Variants in DDX43 observed in about 807,000 individuals in gnomAD.
The protein encoded by DDX43 is probable ATP-dependent RNA helicase DDX43.
DDX43 carries 50 observed loss-of-function variants against 84.9 expected under a neutral mutation model. The ratio of observed to expected loss-of-function variants is 0.59; its 90% confidence interval spans 0.47 to 0.75. The LOEUF (loss-of-function observed/expected upper bound fraction) is 0.75. Ranked by LOEUF, DDX43 falls within the 30% of genes least tolerant of loss-of-function variation. The pLI is 0.00. For missense variants in DDX43, 689 were observed against 798.6 expected (o/e 0.86, Z 1.65); for synonymous variants, 291 against 266.3 (o/e 1.09, Z -0.90).
chr6:73,395,252 T>C, intron 1 of DDX43, 97 bp downstream of exon 1: 1 of 1,404,666 alleles, frequency 7.1e-7, no homozygotes, highest in Non-Finnish European at 9.5e-7. Context: ...TCCAATCAGC[T>C]GCCACCTAGT....
chr6:73,412,972 G>GC (rs1769833067), intron 11 of DDX43, among the ~76,000 whole-genome samples: 1 of 152,122 alleles, frequency 6.6e-6, no homozygotes, highest in South Asian at 2.1e-4. Flanking sequence ...CAGGCGATCT[G>GC]CCCCCTTGGC....
At chr6:73,411,543 G>C (rs990580783) in intron 10 of DDX43, among the ~76,000 whole-genome samples, 1 of 151,738 alleles carries the variant, frequency 6.6e-6, no homozygotes, top group Non-Finnish European at 1.5e-5. Context: ...TGACCAGGCT[G>C]GTCTCAAACT....
Position 73,412,607 on chromosome 6 carries a change from T to G in DDX43, c.1368+315T>G, listed in dbSNP as rs1769808518. 2.7e-5 allele frequency among the ~76,000 whole-genome samples: 4 copies of G among 146,828 alleles called. No individual in the cohort carries two copies. The Admixed American group carries it at 2.7e-4, about 10-fold the overall frequency. Reference sequence around the variant, plus strand: ...GGTGATCTCGGCTCACTGCAACCTCTGCCTCCTGGGTTCAAGTGATATATA... The same window carrying G: ...GGTGATCTCGGCTCACTGCAACCTCGGCCTCCTGGGTTCAAGTGATATATA... On this transcript the variant is annotated intron_variant, in intron 11 of 16. Transcript: ENST00000370336.
Position 73,413,965 on chromosome 6 carries a change from T to C in DDX43, c.1497-5T>C, listed in dbSNP as rs1221200296. On this transcript the variant is annotated splice_polypyrimidine_tract_variant and splice_region_variant and intron_variant, in intron 12 of 16. Coordinates refer to ENST00000370336, the MANE Select transcript of DDX43 (RefSeq NM_018665.3). The stretch of plus-strand genomic sequence containing the variant: ...TAAGAATGCTGAGTTTATCTTTTGC[T>C]TCAGTGCGGATCACTTATCAAGTGA... 2.5e-6 allele frequency: 4 copies of C among 1,598,384 alleles called. No individual in the cohort carries two copies. In the East Asian group the frequency reaches 6.7e-5, roughly 27 times the overall value.
Position 73,412,269 on chromosome 6 carries a change from T to A in DDX43, c.1345T>A (p.Tyr449Asn). 1.2e-6 allele frequency: 2 copies of A among 1,613,514 alleles called. No homozygotes were observed. Among genetic ancestry groups the A allele is most frequent in the Non-Finnish European group, 1.7e-6 (2 of 1,179,662 alleles). Residue 449 changes from tyrosine (Y) to asparagine (N), a missense_variant, in exon 11 of 17, where the codon TAT becomes AAT. Tyr to Asn is a moderately radical substitution (Grantham distance 143). Transcript: ENST00000370336. ...TTATTTGAAAGAACCAATGATTGTC[T>A]ATGTTGGTACATTGGATCTAGTTGT... ...QSYLKEPMIV[Y>N]VGTLDLVAVS... is the part of the protein sequence containing the mutation.
At chr6:73,410,605 C>T (rs1409507862) in intron 10 of DDX43, among the ~76,000 whole-genome samples, 1 of 152,080 alleles carries the variant, frequency 6.6e-6, no homozygotes, top group Non-Finnish European at 1.5e-5. Context: ...TTTTGTTTTG[C>T]GTTTTGAGAC....
chr6:73,410,267 A>G (rs900213619), intron 10 of DDX43, among the ~76,000 whole-genome samples: 2 of 152,116 alleles, frequency 1.3e-5, no homozygotes, highest in Admixed American at 6.6e-5. Flanking sequence ...CCCGGGTTCA[A>G]GCAATTCTCC....
At chr6:73,412,318 T>TTA (rs915700477) in intron 11 of DDX43, 26 bp downstream of exon 11, 1 of 1,577,446 alleles carries the variant, frequency 6.3e-7, no homozygotes, top group African/African-American at 1.4e-5. Flanking sequence ...TTACTATTGT[T>TTA]TAACATTTCT....
chr6:73,412,681 G>GCGCT (rs1231490757), intron 11 of DDX43, among the ~76,000 whole-genome samples: 1 of 135,116 alleles, frequency 7.4e-6, no homozygotes, highest in African/African-American at 2.9e-5. Context: ...GCGCGCGCGT[G>GCGCT]TGTGTGTGTG....
At chr6:73,413,602 C>T (rs997932519) in intron 11 of DDX43, 56 bp from the exon 12 acceptor site, 51 of 1,553,914 alleles carry the variant, frequency 3.3e-5, no homozygotes, top group African/African-American at 2.7e-5. Flanking sequence ...CTGATGTATG[C>T]GGTCTCACCC....
chr6:73,400,421 T>A, intron 3 of DDX43, 58 bp downstream of exon 3: 2 of 1,468,938 alleles, frequency 1.4e-6, no homozygotes. Flanking sequence ...TTCAGTGTTA[T>A]AAGCCATTAT....
Position 73,409,337 on chromosome 6 carries a change from A to G in DDX43, c.1269A>G (p.Thr423=). ...TAGATGTGCGCCCAGATAGGCAGAC[A>G]GTTATGACCAGGTACGTATATGCTT... ...ILLDVRPDRQ[T]VMTSATWPHS... is the part of the protein sequence containing the mutation. The change falls in exon 10 of 17, where the codon ACA becomes ACG. Residue 423 remains threonine (T), a synonymous_variant. Transcript: ENST00000370336. 4.3e-6 allele frequency: 7 copies of G among 1,613,162 alleles called. No individual in the cohort carries two copies. Among genetic ancestry groups the G allele is most frequent in the Non-Finnish European group, 5.1e-6 (6 of 1,179,122 alleles).
intron 1 of DDX43, among the ~76,000 whole-genome samples, chr6:73,397,457 G>A (rs1463029735): frequency 6.6e-6 from 1 of 152,138 alleles, no homozygotes; most frequent in Non-Finnish European, 1.5e-5. Flanking sequence ...TAAGTTTTGT[G>A]CAAGCTGATA....
intron 6 of DDX43, 53 bp downstream of exon 6, chr6:73,405,888 T>G (rs1037407713): frequency 9.8e-6 from 15 of 1,528,036 alleles, no homozygotes; most frequent in Non-Finnish European, 1.1e-5. Context: ...TCGAAACCAG[T>G]GATATCTGAT....
At chr6:73,417,079 T>G (rs982721698) in intron 16 of DDX43, 108 bp from the exon 17 acceptor site, 1 of 152,072 alleles carries the variant, frequency 6.6e-6, no homozygotes, top group African/African-American at 2.4e-5. Flanking sequence ...CACTACAGAG[T>G]TGCACAGTTA....
chr6:73,395,183 G>A lies in DDX43; in HGVS notation c.250+28G>A, dbSNP rs1000816509. ...GAGAATGGGAGTGGCTGGCAGGGCAGGATAGGTGGGGCCAGGGGCGGAGCC... is the reference window on the plus strand; with the variant it reads ...GAGAATGGGAGTGGCTGGCAGGGCAAGATAGGTGGGGCCAGGGGCGGAGCC... On this transcript the variant is annotated intron_variant, in intron 1 of 16. Transcript: ENST00000370336. 15 of 1,579,326 alleles carry A rather than the reference G, an allele frequency of 9.5e-6. No individual in the cohort carries two copies. The African/African-American group carries it at 1.3e-4, about 14-fold the overall frequency.
chr6:73,412,331 T>C (rs1431708438), intron 11 of DDX43, 39 bp downstream of exon 11: 4 of 1,557,006 alleles, frequency 2.6e-6, no homozygotes, highest in Non-Finnish European at 3.5e-6. Flanking sequence ...ACATTTCTTA[T>C]GAAAATTCTG....
chr6:73,406,230 C>T lies in DDX43; in HGVS notation c.808-134C>T. Reference sequence around the variant, plus strand: ...GTAGAGACGGTTTCTCTATGTTGGTCAGGCTAGTCTCGAACTCCCGACCTC... The same window carrying T: ...GTAGAGACGGTTTCTCTATGTTGGTTAGGCTAGTCTCGAACTCCCGACCTC... On this transcript the variant is annotated intron_variant, in intron 6 of 16. Transcript: ENST00000370336. 3 of 544,592 alleles carry T rather than the reference C, an allele frequency of 5.5e-6. No homozygotes were observed. In the South Asian group the frequency reaches 6.5e-5, roughly 12 times the overall value. 33.7% of individuals were successfully genotyped at this position (544,592 alleles called of 1,614,324 possible). A position where few individuals can be genotyped will look rare whatever the true frequency, so the allele number is the denominator to read the frequency against.
chr6:73,397,487 C>A (rs1442309341), intron 1 of DDX43, among the ~76,000 whole-genome samples: 1 of 152,152 alleles, frequency 6.6e-6, no homozygotes, highest in Non-Finnish European at 1.5e-5. Context: ...TAGTCTCCAC[C>A]TGTCTGGGAT....
Sources: gnomAD v4.1 joint callset for allele counts (sites outside exome capture counted in the v4.1 genomes callset) on GRCh38, gnomAD v4.1.1 for gene constraint, MANE v1.5 for transcripts, NCBI Gene and HGNC (gene_info 2026-07-23, HGNC 2026-07-21) for gene names.